VAV2: variants seen among roughly 807,000 people sequenced by gnomAD.
The protein encoded by VAV2 is vav guanine nucleotide exchange factor 2.
In VAV2, 67 loss-of-function variants were observed where a neutral mutation model predicts 132.5. That is an observed-to-expected ratio of 0.51 (90% CI 0.42 to 0.62). The LOEUF is 0.62. Among genes scored for constraint, VAV2 ranks in the 20% least tolerant of loss-of-function variants. The pLI is 0.00. For synonymous variants in VAV2, 492 were observed against 443.5 expected (o/e 1.11, Z -1.37); for missense variants, 938 against 1,153.6 (o/e 0.81, Z 2.71).
intron 1 of VAV2, among the ~76,000 whole-genome samples, chr9:133,941,370 T>C (rs1841149635): frequency 6.7e-6 from 1 of 150,314 alleles, no homozygotes; most frequent in Non-Finnish European, 1.5e-5. Flanking sequence ...ATCGCACCAC[T>C]GCACTCCAGC....
At position 133,928,043 on chromosome 9, in the gene VAV2, C is replaced by T. The variant is rs966870980; in HGVS notation, c.321+11060G>A. 1.3e-5 allele frequency among the ~76,000 whole-genome samples: 2 copies of T among 152,136 alleles called. No individual in the cohort carries two copies. Among genetic ancestry groups the T allele is most frequent in the African/African-American group, 4.8e-5 (2 of 41,432 alleles). On this transcript the variant is annotated intron_variant, in intron 2 of 29. Coordinates refer to ENST00000371850, the MANE Select transcript of VAV2 (RefSeq NM_001134398.2). The surrounding 1 kb of genome is among the most constrained non-coding windows in gnomAD (Gnocchi z 5.4). ...GACTCGGCTACCAAAATTGAACCAC[C>T]CTCCACCCTTGTCCAGTGTGAAGTT...
chr9:133,898,833 T>A (rs1240373950), intron 2 of VAV2, among the ~76,000 whole-genome samples: 1 of 145,396 alleles, frequency 6.9e-6, no homozygotes. Context: ...TTTTTTTTTT[T>A]TTTTTTTTGA....
intron 1 of VAV2, among the ~76,000 whole-genome samples, chr9:133,947,314 A>C (rs974709115): frequency 2.6e-5 from 4 of 152,168 alleles, no homozygotes. Flanking sequence ...GGTCAGATCC[A>C]ATAACCACTC....
intron 1 of VAV2, among the ~76,000 whole-genome samples, chr9:133,962,852 C>G (rs116908542): frequency 2.0e-5 from 3 of 152,170 alleles, no homozygotes; most frequent in Admixed American, 6.5e-5. Context: ...CCACATTGAG[C>G]GCTTGGCTCC....
intron 12 of VAV2, among the ~76,000 whole-genome samples, 187 bp downstream of exon 12, chr9:133,795,481 C>A (rs1027684122): frequency 6.6e-6 from 1 of 152,122 alleles, no homozygotes; most frequent in African/African-American, 2.4e-5. Context: ...CCTGCAGTGC[C>A]CTCCACCCGT....
chr9:133,863,791 C>T lies in VAV2; in HGVS notation c.322-2359G>A, dbSNP rs1160944413. Among the ~76,000 whole-genome samples, 2 of 152,232 alleles carry T rather than the reference C, an allele frequency of 1.3e-5. No homozygotes were observed. The highest frequency in any genetic ancestry group is 2.9e-5 in the Non-Finnish European group (2 of 68,026). The stretch of plus-strand genomic sequence containing the variant: ...CAGAAGTCCACCACGGGGAACCACA[C>T]TCCAGTGACCCAAAACCCAGGGCAG... On this transcript the variant is annotated intron_variant, in intron 2 of 29. Coordinates refer to ENST00000371850, the MANE Select transcript of VAV2 (RefSeq NM_001134398.2). The surrounding 1 kb of genome is among the most constrained non-coding windows in gnomAD (Gnocchi z 5.0).
chr9:133,872,177 A>G (rs1838082486), intron 2 of VAV2, among the ~76,000 whole-genome samples: 2 of 148,076 alleles, frequency 1.4e-5, no homozygotes, highest in South Asian at 4.2e-4. Flanking sequence ...GGGGAGACTG[A>G]TCGTATGTGA....
At chr9:133,889,173 C>T (rs980679216) in intron 2 of VAV2, among the ~76,000 whole-genome samples, 9 of 152,254 alleles carry the variant, frequency 5.9e-5, no homozygotes, top group South Asian at 2.1e-4. Context: ...GGCTTGGGGT[C>T]GGATACCAGA....
intron 12 of VAV2, 140 bp downstream of exon 12, chr9:133,795,527 GC>G: frequency 1.9e-6 from 2 of 1,048,326 alleles, no homozygotes; most frequent in Non-Finnish European, 2.9e-6. Context: ...CCACTGCCCT[GC>G]CCTGCCCTGC....
intron 1 of VAV2, among the ~76,000 whole-genome samples, chr9:133,989,814 G>A (rs946888944): frequency 6.6e-6 from 1 of 152,336 alleles, no homozygotes; most frequent in Admixed American, 6.5e-5. Context: ...ATGAACAGGC[G>A]GGGCTGTCAC....
rs1841954529 is a variant in VAV2 at position 133,961,184 on chromosome 9, A to G, written c.205-21965T>C. Among the ~76,000 whole-genome samples the G allele has an allele frequency of 6.6e-6, 1 of 152,210 alleles. No homozygotes were observed. The highest frequency in any genetic ancestry group is 2.1e-4 in the South Asian group (1 of 4,826). On this transcript the variant is annotated intron_variant, in intron 1 of 29. Transcript: ENST00000371850. This position sits in a 1 kb window ranked among gnomAD's most constrained non-coding sequence, Gnocchi z 4.1. ...CTTCATTCACCAAGCGGTCCCCAAG[A>G]AACAATCACTGCAGTCCAACAGAAT... is the stretch of plus-strand genomic sequence containing the variant.
chr9:133,881,718 T>C (rs1048987438), intron 2 of VAV2, among the ~76,000 whole-genome samples: 1 of 152,218 alleles, frequency 6.6e-6, no homozygotes, highest in African/African-American at 2.4e-5. Flanking sequence ...ATACCAAATG[T>C]ATAATTTAAT....
chr9:133,842,995 T>C (rs2131815345), intron 3 of VAV2, among the ~76,000 whole-genome samples: 1 of 152,312 alleles, frequency 6.6e-6, no homozygotes, highest in Non-Finnish European at 1.5e-5. Context: ...GCACCAGGGC[T>C]TCGCTTATTA....
chr9:133,970,468 C>T (rs1031490226), intron 1 of VAV2, among the ~76,000 whole-genome samples: 1 of 152,144 alleles, frequency 6.6e-6, no homozygotes, highest in African/African-American at 2.4e-5. Context: ...CCCCACAGCC[C>T]GTTCTACAGA....
At chr9:133,847,391 C>T (rs1836976670) in intron 3 of VAV2, among the ~76,000 whole-genome samples, 1 of 152,250 alleles carries the variant, frequency 6.6e-6, no homozygotes, top group South Asian at 2.1e-4. Flanking sequence ...GGGCTGAAAC[C>T]TCGGTGCTGG....
At position 133,884,766 on chromosome 9, in the gene VAV2, G is replaced by A. The variant is rs563957175; in HGVS notation, c.322-23334C>T. 2.6e-5 allele frequency among the ~76,000 whole-genome samples: 4 copies of A among 152,262 alleles called. No individual in the cohort carries two copies. The East Asian group carries it at 5.8e-4, about 22-fold the overall frequency. On this transcript the variant is annotated intron_variant, in intron 2 of 29. Transcript: ENST00000371850. The surrounding 1 kb of genome is among the most constrained non-coding windows in gnomAD (Gnocchi z 5.3). Reference sequence around the variant, plus strand: ...CTCAAAACACACGGATAAGCTTGACGGCTCCGTGAGAATGCTGGTAGGGAG... The same window carrying A: ...CTCAAAACACACGGATAAGCTTGACAGCTCCGTGAGAATGCTGGTAGGGAG...
In VAV2 at chr9:133,935,663, C is replaced by T. The variant is rs963186626; in HGVS notation, c.321+3440G>A. On this transcript the variant is annotated intron_variant, in intron 2 of 29. Coordinates refer to ENST00000371850, the MANE Select transcript of VAV2 (RefSeq NM_001134398.2). This position sits in a 1 kb window ranked among gnomAD's most constrained non-coding sequence, Gnocchi z 5.2. The stretch of plus-strand genomic sequence containing the variant: ...AGAGCAGAACCGTCAGGCTCCAGAC[C>T]GTGGTGAACGTCCCAGCTCCCCAGC... Among the ~76,000 whole-genome samples, 1 of 152,232 alleles carries T rather than the reference C, an allele frequency of 6.6e-6. No individual in the cohort carries two copies. The highest frequency in any genetic ancestry group is 2.4e-5 in the African/African-American group (1 of 41,470).
chr9:133,942,648 A>G (rs2519109), intron 1 of VAV2, among the ~76,000 whole-genome samples: 102,596 of 152,206 alleles, frequency 0.67, 34,800 homozygotes, highest in East Asian at 0.8. Flanking sequence ...TTAATTACAC[A>G]GATCCCAACC....
intron 1 of VAV2, among the ~76,000 whole-genome samples, chr9:133,943,751 G>A (rs566805171): frequency 2.3e-4 from 35 of 152,328 alleles, no homozygotes; most frequent in African/African-American, 8.4e-4. Context: ...CCCGCCCCTG[G>A]GCCCCAAGAA....
Sources: gnomAD v4.1 joint callset for allele counts (sites outside exome capture counted in the v4.1 genomes callset) on GRCh38, gnomAD v4.1.1 for gene constraint, Gnocchi (gnomAD v3.1) non-coding constraint, MANE v1.5 for transcripts, NCBI Gene and HGNC (gene_info 2026-07-23, HGNC 2026-07-21) for gene names.